Variants in SH3GL3 observed in about 807,000 individuals in gnomAD.
SH3GL3 encodes the protein SH3 domain containing GRB2 like 3, endophilin A3, also known as endophilin-A3.
SH3GL3 carries 33 observed loss-of-function variants against 47.7 expected under a neutral mutation model. That is an observed-to-expected ratio of 0.69 (90% CI 0.52 to 0.92). SH3GL3 has a LOEUF of 0.92. Among genes scored for constraint, SH3GL3 ranks in the 40% least tolerant of loss-of-function variants. The pLI is 0.00. For missense variants in SH3GL3, 363 were observed against 417.8 expected (o/e 0.87, Z 1.14); for synonymous variants, 155 against 148.8 (o/e 1.04, Z -0.30).
chr15:83,480,521 G>A (rs922731740), intron 1 of SH3GL3, among the ~76,000 whole-genome samples: 3 of 152,150 alleles, frequency 2.0e-5, no homozygotes. Flanking sequence ...TGCAAGGCTC[G>A]GGCCTCCCCT....
intron 1 of SH3GL3, among the ~76,000 whole-genome samples, chr15:83,450,790 C>G (rs372547178): frequency 2.2e-5 from 1 of 45,396 alleles, no homozygotes; most frequent in Non-Finnish European, 3.7e-5. Context: ...TATAGATTTT[C>G]TTTTTTTTTT....
intron 1 of SH3GL3, among the ~76,000 whole-genome samples, chr15:83,549,019 C>T (rs375167430): frequency 2.0e-5 from 3 of 152,136 alleles, no homozygotes; most frequent in Non-Finnish European, 2.9e-5. Flanking sequence ...TTCCAGTTCA[C>T]ATATTCTCTC....
chr15:83,547,618 G>C (rs1369426952), intron 1 of SH3GL3, among the ~76,000 whole-genome samples: 1 of 151,846 alleles, frequency 6.6e-6, no homozygotes, highest in Non-Finnish European at 1.5e-5. Context: ...CTGCAGGGGG[G>C]ACGATTGCTG....
intron 1 of SH3GL3, among the ~76,000 whole-genome samples, chr15:83,486,239 T>A (rs550560367): frequency 4.8e-4 from 73 of 152,342 alleles, no homozygotes; most frequent in African/African-American, 1.3e-3. Context: ...TGCTTTTTTT[T>A]AAATTCAAAT....
chr15:83,532,574 A>T (rs1276104452), intron 1 of SH3GL3, among the ~76,000 whole-genome samples: 1 of 152,206 alleles, frequency 6.6e-6, no homozygotes, highest in Non-Finnish European at 1.5e-5. Flanking sequence ...TTGGATGGTC[A>T]TTAATGACAG....
chr15:83,488,476 G>T (rs760886329), intron 1 of SH3GL3, among the ~76,000 whole-genome samples: 7 of 152,236 alleles, frequency 4.6e-5, no homozygotes, highest in Non-Finnish European at 1.0e-4. Context: ...CTTTTGTGGA[G>T]GAGCAGTCCG....
chr15:83,485,037 G>A (rs1443515162), intron 1 of SH3GL3, among the ~76,000 whole-genome samples: 1 of 152,132 alleles, frequency 6.6e-6, no homozygotes, highest in Non-Finnish European at 1.5e-5. Flanking sequence ...TTCCCTTGCA[G>A]ATAATCTCTC....
intron 3 of SH3GL3, among the ~76,000 whole-genome samples, chr15:83,566,879 C>G (rs188419031): frequency 3.9e-5 from 6 of 152,304 alleles, no homozygotes; most frequent in Admixed American, 3.3e-4. Flanking sequence ...GCTGGAGATG[C>G]AGAATTAGGC....
At chr15:83,599,967 T>G (rs2060337146) in intron 8 of SH3GL3, among the ~76,000 whole-genome samples, 1 of 152,214 alleles carries the variant, frequency 6.6e-6, no homozygotes, top group Non-Finnish European at 1.5e-5. Context: ...TTTTTCATGT[T>G]TGTTGGCCAT....
intron 1 of SH3GL3, among the ~76,000 whole-genome samples, chr15:83,498,047 A>G (rs2042149434): frequency 6.6e-6 from 1 of 152,220 alleles, no homozygotes; most frequent in Non-Finnish European, 1.5e-5. Context: ...TGTTTTGTGT[A>G]TGATACCATG....
intron 1 of SH3GL3, among the ~76,000 whole-genome samples, chr15:83,542,578 A>G (rs2044216561): frequency 6.6e-6 from 1 of 152,158 alleles, no homozygotes; most frequent in Non-Finnish European, 1.5e-5. Flanking sequence ...AAATTTTAAC[A>G]ATATTGATTC....
chr15:83,531,560 A>G (rs74471732), intron 1 of SH3GL3, among the ~76,000 whole-genome samples: 4 of 152,164 alleles, frequency 2.6e-5, no homozygotes, highest in Admixed American at 2.0e-4. Context: ...TCGTGGAAGG[A>G]TGGTACACTG....
rs773518025 is a variant in SH3GL3 at position 83,587,098 on chromosome 15, C to G, written c.728+12C>G. 1.3e-6 allele frequency: 2 copies of G among 1,498,054 alleles called. No homozygotes were observed. The highest frequency in any genetic ancestry group is 1.7e-5 in the Admixed American group (1 of 57,454). 92.8% of individuals were successfully genotyped at this position (1,498,054 alleles called of 1,614,324 possible). A position where few individuals can be genotyped will look rare whatever the true frequency, so the allele number is the denominator to read the frequency against. ...AAGCTACAGATGCGGTAAGCACCTC[C>G]ACGTTTCTTACAAGCCAAGGGCTGC... On this transcript the variant is annotated intron_variant, in intron 7 of 8. Coordinates refer to ENST00000427482, the MANE Select transcript of SH3GL3 (RefSeq NM_003027.5).
chr15:83,554,894 A>G (rs1019703485), intron 1 of SH3GL3, among the ~76,000 whole-genome samples: 2 of 152,096 alleles, frequency 1.3e-5, no homozygotes, highest in African/African-American at 4.8e-5. Context: ...GTGCTTCCAA[A>G]CTGTAGACTC....
intron 2 of SH3GL3, among the ~76,000 whole-genome samples, chr15:83,561,387 A>C (rs1218932828): frequency 2.6e-5 from 4 of 152,204 alleles, no homozygotes; most frequent in African/African-American, 9.6e-5. Context: ...GTAAAATGAC[A>C]TTATTTAGGC....
intron 8 of SH3GL3, among the ~76,000 whole-genome samples, chr15:83,607,840 A>AAATAAT (rs60113695): frequency 0.18 from 25,425 of 142,712 alleles, 2,498 homozygotes; most frequent in Non-Finnish European, 0.23. Flanking sequence ...TCAGAGTGGC[A>AAATAAT]AATAATAATA....
chr15:83,567,735 G>T (rs1268451578), intron 3 of SH3GL3, among the ~76,000 whole-genome samples: 1 of 152,114 alleles, frequency 6.6e-6, no homozygotes, highest in African/African-American at 2.4e-5. Context: ...CGCATGTGGT[G>T]TGTGTTAATG....
At chr15:83,625,814 TTTG>T in the SH3GL3 span, among the ~76,000 whole-genome samples, 17 of 152,208 alleles carry the variant, frequency 1.1e-4, no homozygotes, top group South Asian at 2.1e-4. Flanking sequence ...GGAATTAATT[TTTG>T]TTGTTGTTGT....
intron 1 of SH3GL3, among the ~76,000 whole-genome samples, chr15:83,449,735 A>G (rs2039644227): frequency 1.4e-5 from 2 of 139,954 alleles, no homozygotes; most frequent in African/African-American, 5.4e-5. Context: ...TTTTTTTCGC[A>G]TGAGCGGAAA....
Sources: allele counts gnomAD v4.1 joint callset (sites outside exome capture counted in the v4.1 genomes callset), GRCh38; gene constraint gnomAD v4.1.1; transcripts MANE v1.5; gene names NCBI Gene and HGNC (gene_info 2026-07-23, HGNC 2026-07-21).